The following CAMK4 variants were observed in gnomAD, a reference collection of about 807,000 sequenced individuals.
The protein encoded by CAMK4 is calcium/calmodulin dependent protein kinase IV.
A neutral mutation model predicts 44.9 loss-of-function variants in CAMK4; 22 were observed. That is an observed-to-expected ratio of 0.49 (90% CI 0.35 to 0.70). The LOEUF (loss-of-function observed/expected upper bound fraction) is 0.70, where lower values mean the gene tolerates loss of function less well. Ranked by LOEUF, CAMK4 falls within the 30% of genes least tolerant of loss-of-function variation. The pLI is 0.01. For missense variants in CAMK4, 498 were observed against 586.8 expected, an observed-to-expected ratio of 0.85 and a Z score of 1.56; for synonymous variants, 218 against 215.4, an observed-to-expected ratio of 1.01 and a Z score of -0.11.
intron 1 of CAMK4, among the ~76,000 whole-genome samples, chr5:111,315,345 C>A (rs1447950435): frequency 6.6e-6 from 1 of 152,020 alleles, no homozygotes; most frequent in Non-Finnish European, 1.5e-5. Context: ...AATATTGATT[C>A]ATACAGATTA....
intron 5 of CAMK4, among the ~76,000 whole-genome samples, chr5:111,414,711 T>C (rs1189744216): frequency 6.6e-6 from 1 of 152,176 alleles, no homozygotes. Context: ...AAAACCAATA[T>C]TTAGCCTATA....
chr5:111,403,395 G>A (rs1381926556), intron 5 of CAMK4, among the ~76,000 whole-genome samples: 2 of 152,110 alleles, frequency 1.3e-5, no homozygotes, highest in East Asian at 3.9e-4. Flanking sequence ...CAGTTCCTAT[G>A]GTATTTTCAT....
chr5:111,392,700 A>G (rs11948013), intron 4 of CAMK4, among the ~76,000 whole-genome samples: 1 of 152,150 alleles, frequency 6.6e-6, no homozygotes, highest in East Asian at 1.9e-4. Flanking sequence ...AGGAAATGGA[A>G]TATGAACATA....
chr5:111,429,715 T>C (rs1053729597), intron 5 of CAMK4, among the ~76,000 whole-genome samples: 3 of 135,192 alleles, frequency 2.2e-5, no homozygotes, highest in African/African-American at 5.7e-5. Flanking sequence ...GGCTGATTCA[T>C]TGAGTCTAGA....
chr5:111,262,276 TG>T (rs1462180320), intron 1 of CAMK4, among the ~76,000 whole-genome samples: 1 of 151,400 alleles, frequency 6.6e-6, no homozygotes, highest in African/African-American at 2.4e-5. Flanking sequence ...TTCTAAGCAC[TG>T]GGGTGAGCTG....
Position 111,224,390 on chromosome 5 carries a change from C to G in CAMK4, c.-94C>G, listed in dbSNP as rs868009254. 2.8e-4 allele frequency: 399 copies of G among 1,441,934 alleles called. 1 individual carries two copies. The African/African-American group carries it at 5.6e-3, about 20-fold the overall frequency. The allele number at this position is 1,441,934 out of a possible 1,614,324, so 89.3% of individuals were successfully genotyped here. On this transcript the variant is annotated 5_prime_UTR_variant, in exon 1 of 11. Transcript: ENST00000282356. This position sits in a 1 kb window ranked among gnomAD's most constrained non-coding sequence, Gnocchi z 5.7. ...CGCGTGAAGGACGCCGCCTCTCTCT[C>G]GCTCCTGCGTTCGCAGGCGGCGGCT...
chr5:111,331,134 A>G (rs1198098388), intron 1 of CAMK4, among the ~76,000 whole-genome samples: 2 of 151,764 alleles, frequency 1.3e-5, no homozygotes, highest in African/African-American at 4.8e-5. Flanking sequence ...TTAAAAGATT[A>G]TGATTATCAA....
At chr5:111,223,917 C>G (rs948029557), upstream of CAMK4, 1 of 153,686 alleles carries the variant, frequency 6.5e-6, no homozygotes, top group Non-Finnish European at 1.4e-5. The surrounding 1 kb of genome is among the most constrained non-coding windows in gnomAD (Gnocchi z 4.3). Flanking sequence ...GCCACCACCA[C>G]CTAGGTCCCT....
At chr5:111,429,304 A>T (rs1753344824) in intron 5 of CAMK4, among the ~76,000 whole-genome samples, 1 of 152,200 alleles carries the variant, frequency 6.6e-6, no homozygotes, top group Non-Finnish European at 1.5e-5. Context: ...AAAAGGATTC[A>T]TTACAGCTAA....
chr5:111,245,081 G>A (rs953243565), intron 1 of CAMK4, among the ~76,000 whole-genome samples: 3 of 152,196 alleles, frequency 2.0e-5, no homozygotes, highest in South Asian at 4.1e-4. Flanking sequence ...AAACTCACAT[G>A]GAGGTAGTAC....
At chr5:111,325,590 A>G (rs1382421633) in intron 1 of CAMK4, among the ~76,000 whole-genome samples, 1 of 152,110 alleles carries the variant, frequency 6.6e-6, no homozygotes. Flanking sequence ...ATGCGATGGT[A>G]TCTCATTGTG....
chr5:111,403,138 T>G (rs1264147127), intron 5 of CAMK4, among the ~76,000 whole-genome samples: 2 of 152,222 alleles, frequency 1.3e-5, no homozygotes, highest in African/African-American at 2.4e-5. Flanking sequence ...TTCTAAAAAC[T>G]GATTTTCACT....
intron 4 of CAMK4, among the ~76,000 whole-genome samples, chr5:111,378,599 A>G: frequency 6.6e-6 from 1 of 152,146 alleles, no homozygotes; most frequent in South Asian, 2.1e-4. Context: ...ACTTCCTTAG[A>G]GCAGGTTCAA....
chr5:111,229,625 A>G (rs539044874), intron 1 of CAMK4, among the ~76,000 whole-genome samples: 1 of 152,178 alleles, frequency 6.6e-6, no homozygotes, highest in South Asian at 2.1e-4. Flanking sequence ...TTTTTCCGAC[A>G]CCATGCTTTA....
intron 5 of CAMK4, among the ~76,000 whole-genome samples, chr5:111,424,434 CTTTTTTTTTT>C (rs34618322): frequency 1.5e-4 from 10 of 64,910 alleles, no homozygotes; most frequent in Admixed American, 9.5e-4. Context: ...ATCTTCTATT[CTTTTTTTTTT>C]TTTTTTTTTT....
intron 2 of CAMK4, chr5:111,365,252 A>G (rs1750748867): frequency 6.6e-6 from 1 of 152,140 alleles, no homozygotes; most frequent in South Asian, 2.1e-4. Context: ...TAAGCCAAGT[A>G]GGAGCTTTAA....
At chr5:111,326,686 A>AT (rs1422265384) in intron 1 of CAMK4, among the ~76,000 whole-genome samples, 1 of 151,196 alleles carries the variant, frequency 6.6e-6, no homozygotes, top group Non-Finnish European at 1.5e-5. Context: ...CTATAAATAA[A>AT]AAAAAAGAGT....
intron 5 of CAMK4, among the ~76,000 whole-genome samples, chr5:111,429,728 A>C (rs915105078): frequency 7.3e-6 from 1 of 137,604 alleles, no homozygotes; most frequent in Non-Finnish European, 1.5e-5. Context: ...AGTCTAGATC[A>C]CACCACTGCA....
At chr5:111,415,800 T>G (rs1752793873) in intron 5 of CAMK4, among the ~76,000 whole-genome samples, 1 of 152,198 alleles carries the variant, frequency 6.6e-6, no homozygotes, top group African/African-American at 2.4e-5. Flanking sequence ...CCAGTCAACC[T>G]TGGCTCAAAA....
Sources: gnomAD v4.1 joint callset for allele counts (sites outside exome capture counted in the v4.1 genomes callset) on GRCh38, gnomAD v4.1.1 for gene constraint, Gnocchi (gnomAD v3.1) non-coding constraint, MANE v1.5 for transcripts, NCBI Gene and HGNC (gene_info 2026-07-23, HGNC 2026-07-21) for gene names.